The following FAM3B variants were observed in gnomAD, a reference collection of about 807,000 sequenced individuals.
FAM3B encodes the protein protein FAM3B.
In FAM3B, 29 loss-of-function variants were observed where a neutral mutation model predicts 28.4. The observed-to-expected ratio is 1.02, with a 90% confidence interval of 0.76 to 1.39. FAM3B has a LOEUF of 1.39. FAM3B is among the 40% of genes most tolerant of loss of function. The pLI is 0.00. For synonymous variants in FAM3B, 91 were observed against 103.0 expected, an observed-to-expected ratio of 0.88 and a Z score of 0.71; for missense variants, 266 against 293.9, an observed-to-expected ratio of 0.91 and a Z score of 0.69.
At chr21:41,351,222 T>A (rs146048252) in intron 7 of FAM3B, among the ~76,000 whole-genome samples, 4 of 152,348 alleles carry the variant, frequency 2.6e-5, no homozygotes, top group Non-Finnish European at 5.9e-5. Flanking sequence ...ATTTCCTTCA[T>A]ATGAAAGAGT....
chr21:41,337,663 G>A (rs920196101), intron 2 of FAM3B, among the ~76,000 whole-genome samples: 2 of 152,050 alleles, frequency 1.3e-5, no homozygotes, highest in African/African-American at 4.8e-5. Context: ...GAGGGGATGT[G>A]TGTGGGAGTG....
At position 41,357,416 on chromosome 21, in the gene FAM3B, A is replaced by G. The variant is rs2089176900; in HGVS notation, c.*219A>G. 1 of 391,766 alleles carries G rather than the reference A, an allele frequency of 2.6e-6. No individual in the cohort carries two copies. The allele number at this position is 391,766 out of a possible 1,614,324, so 24.3% of individuals were successfully genotyped here. ...TGTCAATTAGCAGGAAACTAAAATG[A>G]ATGGAAATTCTTAAAGGGAATGATG... is the stretch of plus-strand genomic sequence containing the variant. On this transcript the variant is annotated 3_prime_UTR_variant, in exon 8 of 8. Coordinates refer to ENST00000357985, the MANE Select transcript of FAM3B (RefSeq NM_058186.4).
At chr21:41,319,988 G>A (rs970666566) in intron 1 of FAM3B, 1 of 152,066 alleles carries the variant, frequency 6.6e-6, no homozygotes, top group African/African-American at 2.4e-5. Flanking sequence ...AGGAGATGAG[G>A]ACACCCACAG....
chr21:41,304,628 G>A (rs796133030), intron 1 of FAM3B, among the ~76,000 whole-genome samples: 41 of 152,322 alleles, frequency 2.7e-4, no homozygotes, highest in African/African-American at 9.4e-4. Context: ...GGCTTGCCCC[G>A]GCCTGCAGGC....
chr21:41,305,589 A>G (rs770243781), intron 1 of FAM3B, among the ~76,000 whole-genome samples: 1 of 152,236 alleles, frequency 6.6e-6, no homozygotes, highest in Non-Finnish European at 1.5e-5. Flanking sequence ...CAATATCACA[A>G]TGAAGTGTGT....
At chr21:41,315,971 G>A (rs2088745778), upstream of FAM3B, among the ~76,000 whole-genome samples, 1 of 152,166 alleles carries the variant, frequency 6.6e-6, no homozygotes, top group Non-Finnish European at 1.5e-5. Flanking sequence ...CGCAGACCCT[G>A]CTTCCCTGGA....
intron 2 of FAM3B, among the ~76,000 whole-genome samples, chr21:41,323,868 C>T (rs962735264): frequency 6.6e-6 from 1 of 152,124 alleles, no homozygotes; most frequent in African/African-American, 2.4e-5. Flanking sequence ...CTTAGTCTAC[C>T]CAGATTACTG....
chr21:41,312,016 T>A (rs770303686), upstream of FAM3B, among the ~76,000 whole-genome samples: 21 of 152,154 alleles, frequency 1.4e-4, no homozygotes, highest in Non-Finnish European at 2.5e-4. Context: ...TCAGATCTCA[T>A]GAGACCCATT....
chr21:41,327,423 C>T (rs1390345692), intron 2 of FAM3B, among the ~76,000 whole-genome samples: 1 of 152,170 alleles, frequency 6.6e-6, no homozygotes, highest in Non-Finnish European at 1.5e-5. Context: ...CAGAATCATC[C>T]CAAAGGTTAG....
intron 2 of FAM3B, among the ~76,000 whole-genome samples, chr21:41,335,275 T>A (rs1440061779): frequency 3.3e-5 from 5 of 152,096 alleles, no homozygotes; most frequent in African/African-American, 1.2e-4. Flanking sequence ...AAGGACAAGA[T>A]ATTTGGGGGA....
intron 2 of FAM3B, among the ~76,000 whole-genome samples, chr21:41,325,470 A>G (rs1358157408): frequency 6.6e-6 from 1 of 152,208 alleles, no homozygotes; most frequent in Non-Finnish European, 1.5e-5. Context: ...CTCTGGAATA[A>G]TCTTCCTCAT....
At chr21:41,353,946 CA>C (rs1316266650) in intron 7 of FAM3B, among the ~76,000 whole-genome samples, 1 of 151,884 alleles carries the variant, frequency 6.6e-6, no homozygotes, top group Non-Finnish European at 1.5e-5. Context: ...AACAAATTTA[CA>C]AGAAAAAATA....
At chr21:41,332,094 C>T (rs1247979693) in intron 2 of FAM3B, among the ~76,000 whole-genome samples, 4 of 152,166 alleles carry the variant, frequency 2.6e-5, no homozygotes, top group East Asian at 1.9e-4. Flanking sequence ...GCTGCCTTCA[C>T]GATAGTGAGT....
intron 2 of FAM3B, among the ~76,000 whole-genome samples, chr21:41,337,192 A>G (rs1393312005): frequency 2.0e-5 from 3 of 152,260 alleles, no homozygotes; most frequent in Non-Finnish European, 4.4e-5. Flanking sequence ...AGTAATTCAT[A>G]AAATAGAGCC....
At chr21:41,308,809 C>G (rs1450509511) in intron 1 of FAM3B, among the ~76,000 whole-genome samples, 1 of 152,100 alleles carries the variant, frequency 6.6e-6, no homozygotes, top group Non-Finnish European at 1.5e-5. Flanking sequence ...ACACATTTTG[C>G]AGTCCAGGCG....
rs370833912 is a variant in FAM3B at position 41,337,807 on chromosome 21, G to GGT, written c.164-557_164-556dup. 3.2e-4 allele frequency among the ~76,000 whole-genome samples: 49 copies of GGT among 151,200 alleles called. 1 individual carries two copies. Among genetic ancestry groups the GGT allele is most frequent in the East Asian group, 1.7e-3 (9 of 5,146 alleles). ...TTGTGTGTGAATGTGTGCTGTATAT[G>GGT]GTGTGTGTGTGTGTGATACATCATG... On this transcript the variant is annotated intron_variant, in intron 2 of 7. Coordinates refer to ENST00000357985, the MANE Select transcript of FAM3B (RefSeq NM_058186.4).
At chr21:41,342,854 G>A (rs545942122) in intron 3 of FAM3B, among the ~76,000 whole-genome samples, 20 of 152,236 alleles carry the variant, frequency 1.3e-4, no homozygotes, top group Admixed American at 4.6e-4. Context: ...TCTTGTGTGC[G>A]TTGGCCTTTT....
At chr21:41,346,335 C>T (rs57529409) in intron 5 of FAM3B, 22,024 of 153,026 alleles carry the variant, frequency 0.14, 3,197 homozygotes, top group African/African-American at 0.37. Flanking sequence ...AACGCCTGCA[C>T]CCACCCAATA....
chr21:41,329,244 A>G (rs1304692826), intron 2 of FAM3B, among the ~76,000 whole-genome samples: 2 of 152,204 alleles, frequency 1.3e-5, no homozygotes, highest in Non-Finnish European at 2.9e-5. Flanking sequence ...GTCCAAATAT[A>G]CTAAATGGAA....
Sources: allele counts gnomAD v4.1 joint callset (sites outside exome capture counted in the v4.1 genomes callset), GRCh38; gene constraint gnomAD v4.1.1; transcripts MANE v1.5; gene names NCBI Gene and HGNC (gene_info 2026-07-23, HGNC 2026-07-21).